Variants in DMD observed in about 807,000 individuals in gnomAD.
The protein encoded by DMD is dystrophin, also known as mutant dystrophin.
A neutral mutation model predicts 330.1 loss-of-function variants in DMD; 63 were observed. That is an observed-to-expected ratio of 0.19 (90% CI 0.16 to 0.24). DMD has a LOEUF of 0.24. Ranked by LOEUF, DMD falls within the 10% of genes least tolerant of loss-of-function variation. The probability of loss-of-function intolerance (pLI) is 1.00; values close to 1 mark genes in which losing one functional copy is unlikely to be tolerated. For missense variants in DMD, 3,344 were observed against 2,684.1 expected (o/e 1.25, Z -5.43); for synonymous variants, 1,223 against 959.8 (o/e 1.27, Z -5.07).
At chrX:32,245,168 C>A (rs1462728733) in intron 43 of DMD, among the ~76,000 whole-genome samples, 1 of 96,392 alleles carries the variant, frequency 1.0e-5, no homozygotes, top group Non-Finnish European at 2.0e-5. Flanking sequence ...CCAGTTTCAG[C>A]TTTCTACATA....
At chrX:31,145,701 C>T (rs1341352214) in intron 76 of DMD, among the ~76,000 whole-genome samples, 16 of 98,121 alleles carry the variant, frequency 1.6e-4, no homozygotes, top group Non-Finnish European at 2.4e-4. Context: ...CTTGCTCTGT[C>T]GCCCAGGCTG....
chrX:32,314,585 A>G (rs1015970725), intron 41 of DMD, among the ~76,000 whole-genome samples: 1 of 111,377 alleles, frequency 9.0e-6, no homozygotes, highest in Non-Finnish European at 1.9e-5. Context: ...AAAAGACCCT[A>G]TCATGAGAGT....
At chrX:31,294,724 C>T (rs778270973) in intron 62 of DMD, among the ~76,000 whole-genome samples, 1 of 112,032 alleles carries the variant, frequency 8.9e-6, no homozygotes, top group Non-Finnish European at 1.9e-5. Context: ...CTTAGGGTAA[C>T]AGTTTTGGGA....
chrX:32,984,520 G>T lies in DMD; in HGVS notation c.93+35619C>A, dbSNP rs754402124. ...TCCACCCGCTTTGGCCGCCCAAAGT[G>T]CTGGGATTGTAGGAGTGAGCCACCG... On this transcript the variant is annotated intron_variant, in intron 2 of 78. Transcript: ENST00000357033. Among the ~76,000 whole-genome samples, 6 of 111,893 alleles carry T rather than the reference G, an allele frequency of 5.4e-5. No individual in the cohort carries two copies. The East Asian group carries it at 1.7e-3, about 31-fold the overall frequency.
chrX:32,536,591 A>G (rs1330889042), intron 17 of DMD, among the ~76,000 whole-genome samples: 1 of 112,154 alleles, frequency 8.9e-6, no homozygotes, highest in African/African-American at 3.2e-5. Flanking sequence ...CAGAGTATAA[A>G]TCAACTGAGT....
chrX:32,538,444 C>A (rs141239919), intron 17 of DMD, among the ~76,000 whole-genome samples: 7,288 of 110,312 alleles, frequency 0.066, 577 homozygotes, highest in African/African-American at 0.22. Flanking sequence ...TTTCCACTAC[C>A]CACCCAAATC....
chrX:31,391,189 C>T (rs1206451565), intron 60 of DMD, among the ~76,000 whole-genome samples: 1 of 110,935 alleles, frequency 9.0e-6, no homozygotes. Flanking sequence ...CTTGCCCTAT[C>T]ACCCAGGCTG....
intron 7 of DMD, among the ~76,000 whole-genome samples, chrX:32,783,067 G>A (rs1461007924): frequency 1.1e-5 from 1 of 94,759 alleles, no homozygotes; most frequent in African/African-American, 4.5e-5. Flanking sequence ...CATATATGGT[G>A]TATATATACA....
chrX:31,841,174 A>C (rs1345587138), intron 48 of DMD, among the ~76,000 whole-genome samples: 1 of 111,841 alleles, frequency 8.9e-6, no homozygotes, highest in African/African-American at 3.2e-5. Flanking sequence ...AATATGGAGA[A>C]TGTCTTAGTG....
intron 17 of DMD, among the ~76,000 whole-genome samples, chrX:32,524,488 G>T (rs2046763304): frequency 8.9e-6 from 1 of 111,881 alleles, no homozygotes; most frequent in South Asian, 3.8e-4. Flanking sequence ...CACAGAACTG[G>T]GGCTCAGCTC....
intron 44 of DMD, among the ~76,000 whole-genome samples, chrX:32,088,945 T>A (rs768627455): frequency 1.8e-5 from 2 of 111,811 alleles, no homozygotes; most frequent in South Asian, 7.4e-4. Flanking sequence ...AAGACAAGGT[T>A]TCCTGGATGA....
At chrX:31,233,190 G>C (rs1446185997) in intron 63 of DMD, among the ~76,000 whole-genome samples, 1 of 111,830 alleles carries the variant, frequency 8.9e-6, no homozygotes, top group Non-Finnish European at 1.9e-5. Context: ...CTTTGGCTCA[G>C]AACCTTCAGT....
At chrX:32,392,282 G>A (rs996305734) in intron 30 of DMD, among the ~76,000 whole-genome samples, 3 of 111,141 alleles carry the variant, frequency 2.7e-5, no homozygotes, top group South Asian at 3.8e-4. Context: ...GTTTTGAGAT[G>A]GAATCTCGCT....
At chrX:33,209,899 T>C (rs1003930768) in intron 1 of DMD, among the ~76,000 whole-genome samples, 1 of 110,341 alleles carries the variant, frequency 9.1e-6, no homozygotes, top group Non-Finnish European at 1.9e-5. Flanking sequence ...TTGTATATGA[T>C]GTTAATTATG....
chrX:33,244,477 C>T (rs1347339447), intron 1 of DMD, among the ~76,000 whole-genome samples: 1 of 111,703 alleles, frequency 9.0e-6, no homozygotes, highest in African/African-American at 3.2e-5. Context: ...AAGTACATAA[C>T]AAAAAAGTAA....
intron 44 of DMD, among the ~76,000 whole-genome samples, chrX:32,135,355 T>C (rs182863473): frequency 3.5e-5 from 4 of 112,800 alleles, no homozygotes; most frequent in Non-Finnish European, 1.9e-5. Context: ...ATTCATGCTT[T>C]GGAAGAATAA....
chrX:31,276,052 A>ATTTGTTT (rs1158368233), intron 62 of DMD, among the ~76,000 whole-genome samples: 18 of 111,846 alleles, frequency 1.6e-4, no homozygotes, highest in Non-Finnish European at 3.0e-4. Context: ...TAGAACACAG[A>ATTTGTTT]TTTGTTTTTT....
intron 62 of DMD, among the ~76,000 whole-genome samples, chrX:31,264,252 C>T (rs5972356): frequency 0.19 from 20,618 of 111,398 alleles, 1,938 homozygotes; most frequent in African/African-American, 0.35. Flanking sequence ...TAGAAAAACA[C>T]GGTGTGCTAG....
chrX:31,935,719 G>A (rs2094914339), intron 45 of DMD, among the ~76,000 whole-genome samples: 1 of 110,883 alleles, frequency 9.0e-6, no homozygotes, highest in Non-Finnish European at 1.9e-5. Context: ...ACATTGGCAA[G>A]GCTTTTAAAC....
Sources: allele counts gnomAD v4.1 joint callset (sites outside exome capture counted in the v4.1 genomes callset), GRCh38; gene constraint gnomAD v4.1.1; transcripts MANE v1.5; gene names NCBI Gene and HGNC (gene_info 2026-07-23, HGNC 2026-07-21).